The following MCF2L2 variants were observed in gnomAD, a reference collection of about 807,000 sequenced individuals.
MCF2L2 encodes probable guanine nucleotide exchange factor MCF2L2.
Under a neutral mutation model 150.2 loss-of-function variants are expected in MCF2L2, and 102 were observed. The ratio of observed to expected loss-of-function variants is 0.68; its 90% CI spans 0.58 to 0.80. The LOEUF is 0.80. Among genes scored for constraint, MCF2L2 ranks in the 30% least tolerant of loss-of-function variants. The pLI is 0.00. For synonymous variants in MCF2L2, 465 were observed against 491.3 expected (o/e 0.95, Z 0.71); for missense variants, 1,256 against 1,372.8 (o/e 0.91, Z 1.34).
intron 1 of MCF2L2, among the ~76,000 whole-genome samples, chr3:183,418,383 C>T (rs1715708583): frequency 6.6e-6 from 1 of 152,286 alleles, no homozygotes; most frequent in Middle Eastern, 3.4e-3. Flanking sequence ...ACCCCAGCTC[C>T]TCCCAAATCT....
intron 1 of MCF2L2, among the ~76,000 whole-genome samples, chr3:183,405,888 G>T (rs1278305228): frequency 1.3e-5 from 2 of 152,112 alleles, no homozygotes; most frequent in Non-Finnish European, 2.9e-5. Flanking sequence ...GCTAATTTTT[G>T]TATTTTTAGC....
chr3:183,208,198 A>G (rs1260228296), intron 22 of MCF2L2, among the ~76,000 whole-genome samples: 1 of 152,204 alleles, frequency 6.6e-6, no homozygotes, highest in East Asian at 1.9e-4. Context: ...AGAAATTAAC[A>G]TTTCAATTAT....
At chr3:183,378,204 G>A (rs1460936122) in intron 3 of MCF2L2, 2 of 152,166 alleles carry the variant, frequency 1.3e-5, no homozygotes, top group African/African-American at 4.8e-5. Context: ...CCACACACCT[G>A]GCCACTGTGT....
intron 25 of MCF2L2, among the ~76,000 whole-genome samples, chr3:183,203,188 G>A (rs1722354025): frequency 6.6e-6 from 1 of 152,002 alleles, no homozygotes; most frequent in Admixed American, 6.6e-5. Flanking sequence ...ACTCCAGCCT[G>A]GGCTACAGAG....
intron 5 of MCF2L2, among the ~76,000 whole-genome samples, chr3:183,336,243 T>C (rs957453269): frequency 6.6e-6 from 1 of 152,102 alleles, no homozygotes; most frequent in Non-Finnish European, 1.5e-5. Flanking sequence ...TAAGTATATA[T>C]AGAGAGAAGC....
chr3:183,243,596 C>T (rs572385942), intron 15 of MCF2L2, among the ~76,000 whole-genome samples: 2 of 152,284 alleles, frequency 1.3e-5, no homozygotes, highest in East Asian at 3.9e-4. Context: ...ATCAGTTTGT[C>T]CAGTGAACTT....
intron 15 of MCF2L2, among the ~76,000 whole-genome samples, chr3:183,274,287 G>C (rs561600359): frequency 1.2e-4 from 19 of 152,174 alleles, no homozygotes; most frequent in African/African-American, 4.3e-4. Flanking sequence ...TGTTGAGAGA[G>C]GGATGAAATC....
chr3:183,251,677 T>C (rs1724540302), intron 15 of MCF2L2, among the ~76,000 whole-genome samples: 1 of 152,122 alleles, frequency 6.6e-6, no homozygotes, highest in Non-Finnish European at 1.5e-5. Flanking sequence ...AATATCTTCA[T>C]GCACTCCCTC....
chr3:183,350,290 T>A (rs1292887544), intron 3 of MCF2L2, among the ~76,000 whole-genome samples: 1 of 149,770 alleles, frequency 6.7e-6, no homozygotes, highest in African/African-American at 2.5e-5. Context: ...CACTCAGTAA[T>A]GACTGCTGGG....
chr3:183,358,053 C>T (rs758012299), intron 3 of MCF2L2, among the ~76,000 whole-genome samples: 1 of 151,912 alleles, frequency 6.6e-6, no homozygotes, highest in Admixed American at 6.6e-5. Context: ...TTTGGGAGGC[C>T]GAGAAGGGCA....
chr3:183,230,098 A>C (rs557961970), intron 16 of MCF2L2, among the ~76,000 whole-genome samples: 1 of 152,260 alleles, frequency 6.6e-6, no homozygotes, highest in African/African-American at 2.4e-5. Context: ...GAACTAATAC[A>C]ATTACTATTA....
intron 1 of MCF2L2, among the ~76,000 whole-genome samples, chr3:183,405,444 T>C (rs1312763549): frequency 1.3e-5 from 2 of 152,126 alleles, no homozygotes; most frequent in Non-Finnish European, 2.9e-5. Flanking sequence ...ACAATCAGGA[T>C]ACAATATAGT....
At chr3:183,362,004 G>C (rs1320680695) in intron 3 of MCF2L2, among the ~76,000 whole-genome samples, 2 of 152,152 alleles carry the variant, frequency 1.3e-5, no homozygotes, top group Non-Finnish European at 2.9e-5. Context: ...TGAAATATAA[G>C]TCAATCGTGT....
chr3:183,200,343 T>C (rs1308289047), intron 25 of MCF2L2, among the ~76,000 whole-genome samples: 1 of 152,242 alleles, frequency 6.6e-6, no homozygotes, highest in Admixed American at 6.5e-5. Context: ...TGTTATCTCA[T>C]TGTGGTTTTG....
Position 183,318,236 on chromosome 3 carries a change from G to A in MCF2L2, c.604-19C>T, listed in dbSNP as rs771978656. 9 of 1,613,790 alleles carry A rather than the reference G, an allele frequency of 5.6e-6. No homozygotes were observed. The highest frequency in any genetic ancestry group is 7.6e-6 in the Non-Finnish European group (9 of 1,179,762). The stretch of plus-strand genomic sequence containing the variant: ...CGATGGCCTGGAAGGTCAGACAATT[G>A]TAACAATATGGAGAGATTAACATTC... On this transcript the variant is annotated intron_variant, in intron 6 of 29. Coordinates refer to ENST00000328913, the MANE Select transcript of MCF2L2 (RefSeq NM_015078.4).
intron 25 of MCF2L2, among the ~76,000 whole-genome samples, chr3:183,200,543 A>G (rs932133535): frequency 3.9e-5 from 6 of 152,176 alleles, no homozygotes; most frequent in African/African-American, 1.4e-4. Context: ...AGATGGGTAG[A>G]TTGTAAACAT....
chr3:183,327,625 T>C (rs1475224201), intron 5 of MCF2L2, among the ~76,000 whole-genome samples: 1 of 152,206 alleles, frequency 6.6e-6, no homozygotes, highest in Non-Finnish European at 1.5e-5. Flanking sequence ...AATAAGCACG[T>C]AGTTTACTAT....
chr3:183,294,926 C>A (rs572218089), intron 13 of MCF2L2, among the ~76,000 whole-genome samples: 1 of 152,050 alleles, frequency 6.6e-6, no homozygotes, highest in Admixed American at 6.6e-5. Context: ...CCGCGCCCAG[C>A]CTAATTTTTC....
intron 26 of MCF2L2, among the ~76,000 whole-genome samples, chr3:183,194,529 T>G (rs1260843285): frequency 6.6e-6 from 1 of 152,020 alleles, no homozygotes; most frequent in Non-Finnish European, 1.5e-5. Flanking sequence ...GTTTGCCCAC[T>G]CAGTAAAGTA....
Sources: gnomAD v4.1 joint callset for allele counts (sites outside exome capture counted in the v4.1 genomes callset) on GRCh38, gnomAD v4.1.1 for gene constraint, MANE v1.5 for transcripts, NCBI Gene and HGNC (gene_info 2026-07-23, HGNC 2026-07-21) for gene names.